The following CALN1 variants were observed in gnomAD, a reference collection of about 807,000 sequenced individuals.
CALN1 encodes the protein calcium-binding protein 8.
In CALN1, 17 loss-of-function variants were observed where a neutral mutation model predicts 30.6. That is an observed-to-expected ratio of 0.56 (90% CI 0.38 to 0.83). CALN1 has a LOEUF of 0.83. Ranked by LOEUF, CALN1 falls within the 40% of genes least tolerant of loss-of-function variation. The pLI, the probability that CALN1 is intolerant of heterozygous loss-of-function variation, is 0.00. For missense variants in CALN1, 291 were observed against 354.9 expected (o/e 0.82, Z 1.45); for synonymous variants, 156 against 131.4 (o/e 1.19, Z -1.28).
intron 3 of CALN1, among the ~76,000 whole-genome samples, chr7:72,212,858 G>A (rs1388778690): frequency 6.6e-6 from 1 of 152,174 alleles, no homozygotes; most frequent in African/African-American, 2.4e-5. Flanking sequence ...TAAATAACCA[G>A]TCTATCAACC....
At chr7:71,894,213 CTGT>C (rs1165785507) in intron 5 of CALN1, among the ~76,000 whole-genome samples, 3 of 152,240 alleles carry the variant, frequency 2.0e-5, no homozygotes, top group South Asian at 4.1e-4. Flanking sequence ...ACCTATTATA[CTGT>C]TGATTTCACT....
chr7:72,044,028 C>A (rs1802300849), intron 4 of CALN1, among the ~76,000 whole-genome samples: 1 of 152,012 alleles, frequency 6.6e-6, no homozygotes, highest in Non-Finnish European at 1.5e-5. Flanking sequence ...ATAGGAAAGT[C>A]CCCCCACCCC....
chr7:72,166,041 G>A (rs1382244253), intron 3 of CALN1, among the ~76,000 whole-genome samples: 3 of 152,136 alleles, frequency 2.0e-5, no homozygotes, highest in Non-Finnish European at 4.4e-5. Flanking sequence ...TTGCTACAGA[G>A]GCTAGAGAAC....
At chr7:72,003,591 T>A (rs1393839835) in intron 5 of CALN1, among the ~76,000 whole-genome samples, 1 of 152,182 alleles carries the variant, frequency 6.6e-6, no homozygotes, top group East Asian at 1.9e-4. Context: ...GTGAATGTTA[T>A]TGTGAACTAC....
intron 1 of CALN1, among the ~76,000 whole-genome samples, chr7:72,426,642 C>T (rs549439202): frequency 2.6e-5 from 4 of 152,316 alleles, no homozygotes; most frequent in East Asian, 3.9e-4. Flanking sequence ...TGAAAAACTA[C>T]GAGCCTGACT....
chr7:72,014,571 T>C (rs1800272737), intron 5 of CALN1, among the ~76,000 whole-genome samples: 1 of 152,254 alleles, frequency 6.6e-6, no homozygotes, highest in South Asian at 2.1e-4. Context: ...TTATCCCATT[T>C]ATTGTCAAGA....
chr7:72,168,290 TAGAC>T (rs1563115897), intron 3 of CALN1, among the ~76,000 whole-genome samples: 2 of 151,692 alleles, frequency 1.3e-5, no homozygotes, highest in East Asian at 1.9e-4. Context: ...AATATTCACA[TAGAC>T]AGTCCAACGA....
chr7:71,906,778 AC>A (rs1230878708), intron 5 of CALN1, among the ~76,000 whole-genome samples: 28 of 152,250 alleles, frequency 1.8e-4, no homozygotes, highest in African/African-American at 6.3e-4. Context: ...TAGGGCAGGG[AC>A]CCTCATTTCC....
At chr7:72,257,549 T>G (rs749307650) in intron 3 of CALN1, among the ~76,000 whole-genome samples, 1 of 152,226 alleles carries the variant, frequency 6.6e-6, no homozygotes, top group African/African-American at 2.4e-5. Flanking sequence ...TGGAAAACAG[T>G]GTGGAGATTC....
At chr7:72,343,054 G>C (rs1802457242) in intron 2 of CALN1, among the ~76,000 whole-genome samples, 1 of 152,158 alleles carries the variant, frequency 6.6e-6, no homozygotes, top group African/African-American at 2.4e-5. Flanking sequence ...TGGAAGGAGA[G>C]TGCTGCTGTA....
At chr7:71,976,966 A>G (rs910704403) in intron 5 of CALN1, among the ~76,000 whole-genome samples, 1 of 152,130 alleles carries the variant, frequency 6.6e-6, no homozygotes, top group African/African-American at 2.4e-5. Context: ...TCTTTCCACC[A>G]ATCACCTAAT....
At chr7:72,384,980 G>C (rs1314029834) in intron 2 of CALN1, among the ~76,000 whole-genome samples, 1 of 152,026 alleles carries the variant, frequency 6.6e-6, no homozygotes, top group Non-Finnish European at 1.5e-5. Flanking sequence ...AATCTCATGG[G>C]AAAAGTGGTC....
intron 6 of CALN1, among the ~76,000 whole-genome samples, chr7:71,790,252 A>G (rs1348834785): frequency 1.3e-5 from 2 of 151,368 alleles, no homozygotes; most frequent in Non-Finnish European, 2.9e-5. Context: ...AAAGGAAGGA[A>G]GAAGAAAGAA....
intron 2 of CALN1, among the ~76,000 whole-genome samples, chr7:72,305,290 G>A (rs943348318): frequency 2.6e-5 from 4 of 152,164 alleles, no homozygotes; most frequent in Non-Finnish European, 4.4e-5. Context: ...CTGGCCTGCC[G>A]ACAGGAATGC....
intron 4 of CALN1, among the ~76,000 whole-genome samples, chr7:72,103,702 T>C (rs1806867294): frequency 6.6e-6 from 1 of 151,976 alleles, no homozygotes; most frequent in South Asian, 2.1e-4. Context: ...GGACTGCCAC[T>C]GTCACTGGAG....
At chr7:71,984,520 A>G (rs1248373236) in intron 5 of CALN1, among the ~76,000 whole-genome samples, 1 of 152,208 alleles carries the variant, frequency 6.6e-6, no homozygotes, top group East Asian at 1.9e-4. Context: ...CACGCACTGG[A>G]GAGAACATTT....
At chr7:71,979,357 G>T (rs1190626289) in intron 5 of CALN1, among the ~76,000 whole-genome samples, 1 of 152,098 alleles carries the variant, frequency 6.6e-6, no homozygotes. Context: ...GGGAGCCCTG[G>T]GCTTGTTTCC....
At chr7:72,117,952 C>T (rs1453957929) in intron 3 of CALN1, among the ~76,000 whole-genome samples, 8 of 136,142 alleles carry the variant, frequency 5.9e-5, no homozygotes, top group African/African-American at 1.4e-4. Flanking sequence ...TGCGAGACAC[C>T]GTCTCAAAAA....
intron 4 of CALN1, among the ~76,000 whole-genome samples, chr7:72,044,157 T>C (rs568330990): frequency 1.2e-3 from 183 of 152,202 alleles, no homozygotes; most frequent in African/African-American, 4.3e-3. Flanking sequence ...TGGGGTAGGC[T>C]GATTGCACTT....
Sources: allele counts gnomAD v4.1 joint callset (sites outside exome capture counted in the v4.1 genomes callset), GRCh38; gene constraint gnomAD v4.1.1; transcripts MANE v1.5; gene names NCBI Gene and HGNC (gene_info 2026-07-23, HGNC 2026-07-21).